Variants in ZFHX3 observed in about 807,000 individuals in gnomAD.
ZFHX3 encodes zinc finger homeobox protein 3.
ZFHX3 carries 42 observed loss-of-function variants against 279.1 expected under a neutral mutation model. The ratio of observed to expected loss-of-function variants is 0.15; its 90% CI spans 0.12 to 0.19. ZFHX3 has a LOEUF of 0.19. ZFHX3 is among the 10% of genes least tolerant of loss of function. The pLI is 1.00. For synonymous variants in ZFHX3, 2,293 were observed against 1,957.8 expected (o/e 1.17, Z -4.52); for missense variants, 4,981 against 4,754.0 (o/e 1.05, Z -1.40).
chr16:73,241,790 CAAAAAAA>C lies in ZFHX3; in HGVS notation c.-1104+15250_-1104+15256del, dbSNP rs60214410. Among the ~76,000 whole-genome samples, 6 of 51,282 alleles carry C rather than the reference CAAAAAAA, an allele frequency of 1.2e-4. No individual in the cohort carries two copies. The East Asian group carries it at 1.9e-3, about 17-fold the overall frequency. 33.6% of individuals were successfully genotyped at this position (51,282 alleles called of 152,430 possible). The stretch of plus-strand genomic sequence containing the variant: ...GGGCAATAAGAGCAAAACTCCGTCT[CAAAAAAA>C]AAAAAAAAAAAAAAAAAAGGAGTGT... On this transcript the variant is annotated intron_variant, in intron 5 of 17. Transcript: ENST00000641206.
At chr16:73,247,778 GATGTGTCTGTGTAT>G (rs2013342956) in intron 5 of ZFHX3, among the ~76,000 whole-genome samples, 1 of 151,490 alleles carries the variant, frequency 6.6e-6, no homozygotes, top group Non-Finnish European at 1.5e-5. Context: ...CTGCATATAT[GATGTGTCTGTGTAT>G]ATGTGTTTGT....
At chr16:72,910,883 T>A (rs766510300) in intron 3 of ZFHX3, among the ~76,000 whole-genome samples, 2 of 152,140 alleles carry the variant, frequency 1.3e-5, no homozygotes, top group Non-Finnish European at 2.9e-5. Flanking sequence ...GCAGGAGCCC[T>A]CCAGCCCCAC....
chr16:73,199,366 C>T (rs771744569), intron 5 of ZFHX3, among the ~76,000 whole-genome samples: 26 of 152,294 alleles, frequency 1.7e-4, no homozygotes, highest in Admixed American at 5.2e-4. Context: ...TAAAATGAAA[C>T]GGTAGCACCA....
At chr16:73,157,641 A>G (rs1346734249) in intron 5 of ZFHX3, among the ~76,000 whole-genome samples, 1 of 152,188 alleles carries the variant, frequency 6.6e-6, no homozygotes, top group East Asian at 1.9e-4. Context: ...TTTGAACAGC[A>G]GTAATTAAAT....
At chr16:73,445,151 C>A (rs1165395584) in intron 3 of ZFHX3, among the ~76,000 whole-genome samples, 1 of 151,484 alleles carries the variant, frequency 6.6e-6, no homozygotes, top group Non-Finnish European at 1.5e-5. Flanking sequence ...TAAAAAAAAT[C>A]TTTTCATATA....
chr16:73,313,578 A>G (rs2015376967), intron 4 of ZFHX3, among the ~76,000 whole-genome samples: 1 of 152,160 alleles, frequency 6.6e-6, no homozygotes, highest in Non-Finnish European at 1.5e-5. Context: ...TCACACAGCT[A>G]ATGAGCGATA....
intron 1 of ZFHX3, among the ~76,000 whole-genome samples, chr16:73,730,372 A>AAAAAAAAAAAG (rs1567564117): frequency 1.7e-5 from 2 of 114,584 alleles, no homozygotes; most frequent in African/African-American, 3.0e-5. Flanking sequence ...AAAAAAAAAA[A>AAAAAAAAAAAG]AAAGAAAAAG....
chr16:72,784,525 C>CAACA lies in ZFHX3; in HGVS notation c.*2635_*2638dup, dbSNP rs1054162427. ...TATGGTACAGACACAGAGTAACATACAACAGTTAAATGGCAAAAAATATAT... is the reference window on the plus strand; with the variant it reads ...TATGGTACAGACACAGAGTAACATACAACAAACAGTTAAATGGCAAAAAATATAT... On this transcript the variant is annotated 3_prime_UTR_variant, in exon 10 of 10. Coordinates refer to ENST00000268489, the MANE Select transcript of ZFHX3 (RefSeq NM_006885.4). 6 of 151,572 alleles carry CAACA rather than the reference C, an allele frequency of 4.0e-5. No homozygotes were observed. The highest frequency in any genetic ancestry group is 2.6e-4 in the Admixed American group (4 of 15,200). The allele number at this position is 151,572 out of a possible 1,614,324, so 9.4% of individuals were successfully genotyped here.
At chr16:73,026,533 T>C (rs752104352) in intron 1 of ZFHX3, among the ~76,000 whole-genome samples, 3 of 151,084 alleles carry the variant, frequency 2.0e-5, no homozygotes, top group Non-Finnish European at 2.9e-5. Flanking sequence ...TAGCTAGGCA[T>C]GGTGGCAGGC....
In ZFHX3 at chr16:72,793,601, A is replaced by C. The variant is rs2035791208; in HGVS notation, c.9081T>G (p.Thr3027=). The C allele has an allele frequency of 6.2e-7, 1 of 1,614,066 alleles. No individual in the cohort carries two copies. The highest frequency in any genetic ancestry group is 1.1e-5 in the South Asian group (1 of 91,082). The change falls in exon 9 of 10, where the codon ACT becomes ACG. Residue 3027 remains threonine (T), a synonymous_variant. Coordinates refer to ENST00000268489, the MANE Select transcript of ZFHX3 (RefSeq NM_006885.4). This position sits in a 1 kb window ranked among gnomAD's most constrained non-coding sequence, Gnocchi z 4.3. ...TSYEGPKTEC[T]LCGIKYSARL... ...GAGCGCTGTACTTGATGCCACACAAAGTGCACTCTGTTTTGGGTCCCTCAT... is the reference window on the plus strand; with the variant it reads ...GAGCGCTGTACTTGATGCCACACAACGTGCACTCTGTTTTGGGTCCCTCAT...
chr16:73,166,045 G>C (rs1200327646), intron 5 of ZFHX3, among the ~76,000 whole-genome samples: 1 of 152,174 alleles, frequency 6.6e-6, no homozygotes, highest in Non-Finnish European at 1.5e-5. Context: ...CTCCTGGAGG[G>C]CTTGGGATGG....
chr16:72,868,944 C>T (rs757943016), intron 4 of ZFHX3, among the ~76,000 whole-genome samples: 7 of 151,780 alleles, frequency 4.6e-5, no homozygotes, highest in African/African-American at 1.7e-4. Flanking sequence ...AAAAAGCTGA[C>T]GATGATTTGA....
chr16:73,707,619 T>C (rs1332649849), intron 1 of ZFHX3, among the ~76,000 whole-genome samples: 1 of 148,980 alleles, frequency 6.7e-6, no homozygotes, highest in Non-Finnish European at 1.5e-5. Flanking sequence ...AGGGATAGCA[T>C]TAGGAGATAT....
chr16:73,281,112 C>T (rs1286557876), intron 4 of ZFHX3, among the ~76,000 whole-genome samples: 2 of 150,046 alleles, frequency 1.3e-5, no homozygotes, highest in African/African-American at 2.5e-5. Context: ...CCATGTGGTC[C>T]AGCAATCCCA....
chr16:73,024,585 C>A (rs1343725115), intron 1 of ZFHX3, among the ~76,000 whole-genome samples: 1 of 152,210 alleles, frequency 6.6e-6, no homozygotes, highest in Non-Finnish European at 1.5e-5. Context: ...AATGATAAAA[C>A]GAAATCTCAC....
intron 4 of ZFHX3, among the ~76,000 whole-genome samples, chr16:72,834,469 G>T (rs2037136898): frequency 6.6e-6 from 1 of 152,204 alleles, no homozygotes; most frequent in African/African-American, 2.4e-5. Context: ...TGATACCCCA[G>T]TCCCAGAAAA....
At chr16:72,828,444 G>T (rs1243991599) in intron 5 of ZFHX3, among the ~76,000 whole-genome samples, 4 of 152,254 alleles carry the variant, frequency 2.6e-5, no homozygotes, top group Non-Finnish European at 5.9e-5. Context: ...AGAAATGGCC[G>T]TTCTCCTTCT....
intron 5 of ZFHX3, among the ~76,000 whole-genome samples, chr16:73,182,504 A>G (rs911752049): frequency 1.3e-5 from 2 of 152,110 alleles, no homozygotes; most frequent in Non-Finnish European, 2.9e-5. Context: ...AACTAAAAAT[A>G]GAACTACCAT....
chr16:73,274,071 G>C (rs1022010562), intron 4 of ZFHX3, among the ~76,000 whole-genome samples: 1 of 152,152 alleles, frequency 6.6e-6, no homozygotes, highest in Non-Finnish European at 1.5e-5. Flanking sequence ...TTGAACCCAG[G>C]AGGTGGACGT....
Sources: allele counts gnomAD v4.1 joint callset (sites outside exome capture counted in the v4.1 genomes callset), GRCh38; gene constraint gnomAD v4.1.1; non-coding constraint Gnocchi (gnomAD v3.1); transcripts MANE v1.5; gene names NCBI Gene and HGNC (gene_info 2026-07-23, HGNC 2026-07-21).